The following BCR variants were observed in gnomAD, a reference collection of about 807,000 sequenced individuals.
The protein encoded by BCR is BCR activator of RhoGEF and GTPase.
A neutral mutation model predicts 138.6 loss-of-function variants in BCR; 58 were observed. That is an observed-to-expected ratio of 0.42 (90% CI 0.34 to 0.52). The LOEUF is 0.52. Among genes scored for constraint, BCR ranks in the 20% least tolerant of loss-of-function variants. BCR has a pLI of 0.06. For missense variants in BCR, 1,599 were observed against 1,727.2 expected (o/e 0.93, Z 1.32); for synonymous variants, 786 against 730.1 (o/e 1.08, Z -1.23).
At chr22:23,305,012 G>A (rs1162908631) in intron 16 of BCR, among the ~76,000 whole-genome samples, 1 of 152,090 alleles carries the variant, frequency 6.6e-6, no homozygotes, top group Non-Finnish European at 1.5e-5. Flanking sequence ...CTCCTCAGGG[G>A]CTGAGGCAAG....
chr22:23,314,510 G>A (rs780574314), intron 21 of BCR, 42 bp from the exon 22 acceptor site: 1 of 1,609,392 alleles, frequency 6.2e-7, no homozygotes, highest in Non-Finnish European at 8.5e-7. Context: ...TCTCTCCTGG[G>A]GGTGGCGTTG....
At chr22:23,297,221 G>GTTTTTTTTT (rs796682596) in intron 16 of BCR, among the ~76,000 whole-genome samples, 1 of 114,912 alleles carries the variant, frequency 8.7e-6, no homozygotes. Context: ...TTTGTTTTTT[G>GTTTTTTTTT]TTTTTTTTTT....
intron 1 of BCR, among the ~76,000 whole-genome samples, chr22:23,222,346 G>A (rs1406470546): frequency 1.3e-5 from 2 of 152,158 alleles, no homozygotes; most frequent in East Asian, 1.9e-4. Context: ...GTCTGATTCC[G>A]GCCGAGTTTC....
intron 1 of BCR, among the ~76,000 whole-genome samples, chr22:23,215,955 G>A (rs923158281): frequency 2.0e-5 from 3 of 152,288 alleles, no homozygotes; most frequent in African/African-American, 4.8e-5. Context: ...GAATTACCAC[G>A]TTCCCTTTAA....
At chr22:23,229,235 CCTGT>C (rs1186234380) in intron 1 of BCR, among the ~76,000 whole-genome samples, 1 of 151,908 alleles carries the variant, frequency 6.6e-6, no homozygotes, top group Non-Finnish European at 1.5e-5. Context: ...GCTGAGAAGG[CCTGT>C]CTTTTTATTT....
intron 1 of BCR, chr22:23,243,117 G>C (rs1051831576): frequency 2.0e-5 from 5 of 246,706 alleles, no homozygotes; most frequent in Non-Finnish European, 4.1e-5. Context: ...TAAAATCATT[G>C]TAATTTCCTG....
chr22:23,205,311 C>T (rs985015067), intron 1 of BCR, among the ~76,000 whole-genome samples: 2 of 152,182 alleles, frequency 1.3e-5, no homozygotes, highest in Non-Finnish European at 2.9e-5. Flanking sequence ...TCAGTGGAAG[C>T]CACGCTTTCC....
intron 16 of BCR, among the ~76,000 whole-genome samples, chr22:23,297,207 G>GTTTTTTTTTTTTTTTTTTTTTTTT (rs1307353327): frequency 6.2e-5 from 6 of 97,382 alleles, no homozygotes; most frequent in African/African-American, 4.9e-5. Flanking sequence ...TGGCTAAGTT[G>GTTTTTTTTTTTTTTTTTTTTTTTT]TTTTTTGTTT....
At chr22:23,222,626 G>T (rs1210460164) in intron 1 of BCR, among the ~76,000 whole-genome samples, 1 of 152,180 alleles carries the variant, frequency 6.6e-6, no homozygotes, top group Non-Finnish European at 1.5e-5. Flanking sequence ...GAGCGTGGCA[G>T]GGGCCCATGG....
At chr22:23,222,480 T>C (rs1324519436) in intron 1 of BCR, among the ~76,000 whole-genome samples, 1 of 152,184 alleles carries the variant, frequency 6.6e-6, no homozygotes, top group Non-Finnish European at 1.5e-5. Flanking sequence ...AAGTGCTAAG[T>C]GCTGAGAAAG....
chr22:23,281,578 G>A (rs1352503246), intron 8 of BCR, among the ~76,000 whole-genome samples: 1 of 152,170 alleles, frequency 6.6e-6, no homozygotes, highest in Non-Finnish European at 1.5e-5. Context: ...GGGCAGGCAG[G>A]GGCCGAGTGA....
intron 1 of BCR, among the ~76,000 whole-genome samples, chr22:23,229,584 C>T (rs2072930926): frequency 6.6e-6 from 1 of 152,188 alleles, no homozygotes; most frequent in Non-Finnish European, 1.5e-5. Flanking sequence ...ATCCACCCTG[C>T]TGTTGACCAC....
intron 16 of BCR, among the ~76,000 whole-genome samples, chr22:23,304,393 A>G (rs1313308902): frequency 6.6e-6 from 1 of 152,020 alleles, no homozygotes; most frequent in Admixed American, 6.6e-5. Context: ...TTTGAGGTTT[A>G]TTCATGTGGT....
At chr22:23,227,970 A>G (rs2072913115) in intron 1 of BCR, among the ~76,000 whole-genome samples, 1 of 152,136 alleles carries the variant, frequency 6.6e-6, no homozygotes, top group African/African-American at 2.4e-5. Context: ...GTTTCAAGGG[A>G]TTGGCCTATT....
At chr22:23,214,064 G>A (rs763051464) in intron 1 of BCR, among the ~76,000 whole-genome samples, 4 of 152,198 alleles carry the variant, frequency 2.6e-5, no homozygotes, top group Non-Finnish European at 5.9e-5. Context: ...GCAAAAAAAA[G>A]CACCTAGCGT....
At position 23,313,131 on chromosome 22, in the gene BCR, C is replaced by T. The variant is rs2074026938; in HGVS notation, c.3457+110C>T. 2.9e-5 allele frequency: 39 copies of T among 1,363,048 alleles called. No individual in the cohort carries two copies. The South Asian group carries it at 5.0e-4, about 18-fold the overall frequency. 84.4% of individuals were successfully genotyped at this position (1,363,048 alleles called of 1,614,324 possible). ...GGAACCCAAGCTGTGCCCCCTCTGC[C>T]ATGGTCGGCATTTTAACCCAACCTC... On this transcript the variant is annotated intron_variant, in intron 20 of 22. Coordinates refer to ENST00000305877, the MANE Select transcript of BCR (RefSeq NM_004327.4).
intron 8 of BCR, among the ~76,000 whole-genome samples, chr22:23,280,268 G>GGCA (rs1264412726): frequency 5.9e-5 from 9 of 152,340 alleles, no homozygotes; most frequent in Non-Finnish European, 7.3e-5. Flanking sequence ...AGCTGGAGGA[G>GGCA]GCAGCTGGCC....
chr22:23,202,230 T>C (rs1440069082), intron 1 of BCR, among the ~76,000 whole-genome samples: 1 of 152,190 alleles, frequency 6.6e-6, no homozygotes, highest in Non-Finnish European at 1.5e-5. Flanking sequence ...AGGTAATTCA[T>C]GTACCATACA....
chr22:23,315,636 G>C lies in BCR; in HGVS notation c.*114G>C. Reference sequence around the variant, plus strand: ...TGTCCTTGGGCCACCCCCAAGTGTTGGGCCATCTGCCAAGAGACAGCGACC... The same window carrying C: ...TGTCCTTGGGCCACCCCCAAGTGTTCGGCCATCTGCCAAGAGACAGCGACC... On this transcript the variant is annotated 3_prime_UTR_variant, in exon 23 of 23. Coordinates refer to ENST00000305877, the MANE Select transcript of BCR (RefSeq NM_004327.4). 1.0e-6 allele frequency: 1 copy of C among 999,150 alleles called. No homozygotes were observed. The highest frequency in any genetic ancestry group is 2.6e-5 in the East Asian group (1 of 39,066). 61.9% of individuals were successfully genotyped at this position (999,150 alleles called of 1,614,324 possible). A position where few individuals can be genotyped will look rare whatever the true frequency, so the allele number is the denominator to read the frequency against.
Sources: allele counts gnomAD v4.1 joint callset (sites outside exome capture counted in the v4.1 genomes callset), GRCh38; gene constraint gnomAD v4.1.1; transcripts MANE v1.5; gene names NCBI Gene and HGNC (gene_info 2026-07-23, HGNC 2026-07-21).